Variants in SPECC1 observed in about 807,000 individuals in gnomAD.
SPECC1 encodes sperm antigen with calponin homology and coiled-coil domains 1.
In SPECC1, 62 loss-of-function variants were observed where a neutral mutation model predicts 104.1. That is an observed-to-expected ratio of 0.60 (90% CI 0.49 to 0.74). SPECC1 has a LOEUF of 0.74. Among genes scored for constraint, SPECC1 ranks in the 30% least tolerant of loss-of-function variants. SPECC1 has a pLI of 0.00. For synonymous variants in SPECC1, 513 were observed against 501.6 expected, an observed-to-expected ratio of 1.02 and a Z score of -0.30; for missense variants, 1,306 against 1,310.5, an observed-to-expected ratio of 1.00 and a Z score of 0.05.
At chr17:20,168,939 C>G (rs1221373655) in intron 3 of SPECC1, among the ~76,000 whole-genome samples, 1 of 152,178 alleles carries the variant, frequency 6.6e-6, no homozygotes, top group Admixed American at 6.5e-5. Flanking sequence ...GTGGTGCTAT[C>G]TGGGCTCACT....
chr17:20,077,869 C>G (rs1202169606), intron 1 of SPECC1, among the ~76,000 whole-genome samples: 1 of 151,988 alleles, frequency 6.6e-6, no homozygotes, highest in East Asian at 1.9e-4. Context: ...GATTGCTCAG[C>G]CTTAACTTCT....
chr17:20,048,244 C>T (rs1336537340), intron 1 of SPECC1, among the ~76,000 whole-genome samples: 2 of 151,868 alleles, frequency 1.3e-5, no homozygotes, highest in Non-Finnish European at 2.9e-5. Flanking sequence ...CGCCATTCTC[C>T]TGCCTCAGCT....
chr17:20,251,306 G>C (rs2039627102), intron 9 of SPECC1, among the ~76,000 whole-genome samples: 1 of 149,730 alleles, frequency 6.7e-6, no homozygotes, highest in Admixed American at 6.7e-5. Context: ...TATCTTTCTT[G>C]ATGGAAATTC....
chr17:20,222,283 G>A (rs755639302), intron 4 of SPECC1, among the ~76,000 whole-genome samples: 8 of 152,002 alleles, frequency 5.3e-5, no homozygotes, highest in Non-Finnish European at 1.0e-4. Context: ...CAAGTGAAGC[G>A]AGATCGCACC....
intron 12 of SPECC1, among the ~76,000 whole-genome samples, chr17:20,267,922 C>T (rs1344905956): frequency 2.6e-5 from 4 of 152,116 alleles, no homozygotes; most frequent in African/African-American, 9.7e-5. Context: ...CTGGAAGTCA[C>T]TCTGATGAAC....
intron 12 of SPECC1, among the ~76,000 whole-genome samples, chr17:20,266,901 G>T (rs1056733818): frequency 3.3e-5 from 5 of 152,122 alleles, no homozygotes; most frequent in Non-Finnish European, 7.4e-5. Context: ...AGGTGTGGAG[G>T]GTCAGAGTAA....
At chr17:20,040,210 T>C (rs938638601) in intron 1 of SPECC1, among the ~76,000 whole-genome samples, 4 of 152,126 alleles carry the variant, frequency 2.6e-5, no homozygotes, top group African/African-American at 9.7e-5. Flanking sequence ...TACGTGTGTG[T>C]GTGTATGTAA....
At chr17:20,159,436 A>G (rs1026700647) in intron 3 of SPECC1, among the ~76,000 whole-genome samples, 2 of 152,238 alleles carry the variant, frequency 1.3e-5, no homozygotes, top group Non-Finnish European at 2.9e-5. Flanking sequence ...AGTTGCTTGG[A>G]CAGGGAGAGT....
chr17:20,173,306 T>G (rs557845012), intron 3 of SPECC1, among the ~76,000 whole-genome samples: 2 of 152,226 alleles, frequency 1.3e-5, no homozygotes, highest in African/African-American at 2.4e-5. Context: ...TGACCATTAC[T>G]CCCAAAGAAG....
In SPECC1 at chr17:20,318,430, C is replaced by G. The variant is rs189918131; in HGVS notation, c.*4365C>G. 1.9e-4 allele frequency: 43 copies of G among 231,424 alleles called. No homozygotes were observed. The highest frequency in any genetic ancestry group is 8.2e-4 in the African/African-American group (37 of 45,366). 14.3% of individuals were successfully genotyped at this position (231,424 alleles called of 1,614,324 possible). On this transcript the variant is annotated 3_prime_UTR_variant, in exon 15 of 15. Coordinates refer to ENST00000395527, the MANE Select transcript of SPECC1 (RefSeq NM_001243439.2). Reference sequence around the variant, plus strand: ...TTGTAGAGACCAACCCAAGTAGATGCAGGTGGGTGTTAGATAAAAACACAC... The same window carrying G: ...TTGTAGAGACCAACCCAAGTAGATGGAGGTGGGTGTTAGATAAAAACACAC...
At chr17:20,043,074 A>G (rs1433159320) in intron 1 of SPECC1, among the ~76,000 whole-genome samples, 1 of 152,112 alleles carries the variant, frequency 6.6e-6, no homozygotes, top group Non-Finnish European at 1.5e-5. Context: ...GAGGCCAAGC[A>G]AGTTTCTTTG....
At chr17:20,017,634 T>C (rs1486400197) in intron 1 of SPECC1, 1 of 152,274 alleles carries the variant, frequency 6.6e-6, no homozygotes, top group East Asian at 1.9e-4. Context: ...TAGTTACTTA[T>C]GTACCTTCCA....
intron 1 of SPECC1, among the ~76,000 whole-genome samples, chr17:20,021,346 G>A (rs1005683697): frequency 6.6e-6 from 1 of 151,956 alleles, no homozygotes; most frequent in Non-Finnish European, 1.5e-5. Context: ...CCTTTATTCT[G>A]TATCTTAGGA....
chr17:20,293,787 G>T (rs2041249140), intron 12 of SPECC1, among the ~76,000 whole-genome samples: 1 of 152,150 alleles, frequency 6.6e-6, no homozygotes, highest in South Asian at 2.1e-4. Flanking sequence ...CCCAGCTTTA[G>T]TAGGCTTGGG....
At chr17:20,307,275 A>G (rs1295823698) in intron 14 of SPECC1, among the ~76,000 whole-genome samples, 1 of 152,324 alleles carries the variant, frequency 6.6e-6, no homozygotes, top group South Asian at 2.1e-4. Flanking sequence ...TCTTAACAAT[A>G]GTAGTTTTAG....
At chr17:20,271,632 ATC>A (rs1293513981) in intron 12 of SPECC1, among the ~76,000 whole-genome samples, 1 of 152,064 alleles carries the variant, frequency 6.6e-6, no homozygotes, top group Non-Finnish European at 1.5e-5. Flanking sequence ...TCCTGAGGAG[ATC>A]TCTCTGGAGC....
intron 1 of SPECC1, among the ~76,000 whole-genome samples, chr17:20,083,961 A>T (rs2047078831): frequency 6.6e-6 from 1 of 152,124 alleles, no homozygotes; most frequent in Non-Finnish European, 1.5e-5. Flanking sequence ...TATGGTTTCA[A>T]TTTGCATTTT....
At chr17:20,290,877 T>C (rs752939528) in intron 12 of SPECC1, among the ~76,000 whole-genome samples, 2 of 152,224 alleles carry the variant, frequency 1.3e-5, no homozygotes, top group Non-Finnish European at 2.9e-5. Context: ...GGTGGCATTG[T>C]TGAGCTTCCG....
chr17:20,049,960 G>A (rs1334017269), intron 1 of SPECC1, among the ~76,000 whole-genome samples: 1 of 152,026 alleles, frequency 6.6e-6, no homozygotes, highest in Non-Finnish European at 1.5e-5. Context: ...TGGGATTACA[G>A]GCATGTGCCA....
Sources: gnomAD v4.1 joint callset for allele counts (sites outside exome capture counted in the v4.1 genomes callset) on GRCh38, gnomAD v4.1.1 for gene constraint, MANE v1.5 for transcripts, NCBI Gene and HGNC (gene_info 2026-07-23, HGNC 2026-07-21) for gene names.